Variants in GOLGA3 observed in about 807,000 individuals in gnomAD.
GOLGA3 encodes the protein golgin A3, also known as golgin subfamily A member 3.
A neutral mutation model predicts 169.4 loss-of-function variants in GOLGA3; 75 were observed. The ratio of observed to expected loss-of-function variants is 0.44; its 90% confidence interval spans 0.37 to 0.54. GOLGA3 has a LOEUF of 0.54. GOLGA3 is among the 20% of genes least tolerant of loss of function. The probability of loss-of-function intolerance (pLI) is 0.00; values close to 1 mark genes in which losing one functional copy is unlikely to be tolerated. For synonymous variants in GOLGA3, 824 were observed against 822.4 expected (o/e 1.00, Z -0.03); for missense variants, 1,899 against 1,930.0 (o/e 0.98, Z 0.30).
chr12:132,777,016 T>G lies in GOLGA3; in HGVS notation c.3797A>C (p.Gln1266Pro), dbSNP rs2136265897. The part of the protein sequence containing the change: ...AELAEARAQL[Q>P]LLQKQLDEQL... ...CTCGTCCAGCTGCTTCTGCAGGAGCTGGAGCTGTGCCCGGGCCTCGGCCAG... is the reference window on the plus strand; with the variant it reads ...CTCGTCCAGCTGCTTCTGCAGGAGCGGGAGCTGTGCCCGGGCCTCGGCCAG... The change falls in exon 20 of 24, where the codon CAG (glutamine) becomes CCG (proline). Residue 1266 changes from glutamine to proline, a missense_variant. Gln to Pro is a moderately conservative substitution (Grantham distance 76, BLOSUM62 -1). Coordinates refer to ENST00000450791, the MANE Select transcript of GOLGA3 (RefSeq NM_001389683.1). This position sits in a 1 kb window ranked among gnomAD's most constrained non-coding sequence, Gnocchi z 4.7. 1 of 1,611,830 alleles carries G rather than the reference T, an allele frequency of 6.2e-7. No homozygotes were observed. Among genetic ancestry groups the G allele is most frequent in the East Asian group, 2.2e-5 (1 of 44,868 alleles).
chr12:132,821,112 AAAAAAAAAAAAT>A (rs1950190032), intron 2 of GOLGA3, among the ~76,000 whole-genome samples: 1 of 150,406 alleles, frequency 6.6e-6, no homozygotes, highest in Admixed American at 6.7e-5. Flanking sequence ...AAAAAAAAAA[AAAAAAAAAAAAT>A]GGCTGGGCGC....
rs978086346 is a variant in GOLGA3, at chr12:132,801,701, A to G, written c.1800+66T>C. ...ACTCTAAAAACAGAAAAATCTCAGG[A>G]AAAAGCACCGTTCTACATGAAGACA... On this transcript the variant is annotated intron_variant, in intron 8 of 23. Coordinates refer to ENST00000450791, the MANE Select transcript of GOLGA3 (RefSeq NM_001389683.1). The G allele has an allele frequency of 9.6e-5, 140 of 1,456,362 alleles. 1 individual carries two copies. Among genetic ancestry groups the G allele is most frequent in the Non-Finnish European group, 1.4e-5 (15 of 1,053,968 alleles). 90.2% of individuals were successfully genotyped at this position (1,456,362 alleles called of 1,614,324 possible).
chr12:132,818,440 T>TAA (rs1950082853), intron 2 of GOLGA3, among the ~76,000 whole-genome samples: 1 of 152,178 alleles, frequency 6.6e-6, no homozygotes, highest in South Asian at 2.1e-4. Flanking sequence ...TTGGTCTTTT[T>TAA]AGTAGAGATG....
intron 16 of GOLGA3, 184 bp downstream of exon 16, chr12:132,783,980 G>C: frequency 2.7e-6 from 4 of 1,486,070 alleles, no homozygotes; most frequent in Non-Finnish European, 3.6e-6. Context: ...CCTCCCCAGA[G>C]GGCTGGAATC....
In GOLGA3 at chr12:132,811,208, C is replaced by A. The variant is rs4758943; in HGVS notation, c.519+2099G>T. On this transcript the variant is annotated intron_variant, in intron 4 of 23. Coordinates refer to ENST00000450791, the MANE Select transcript of GOLGA3 (RefSeq NM_001389683.1). ...CACGTCTTGGTGGTAGTGGTCCCCC[C>A]GGCCCAGCTGTCTTTTATCTCTTTG... is the stretch of plus-strand genomic sequence containing the variant. Among the ~76,000 whole-genome samples, 840 of 152,178 alleles carry A rather than the reference C, an allele frequency of 5.5e-3. 4 individuals are homozygous for A. The highest frequency in any genetic ancestry group is 0.019 in the African/African-American group (779 of 41,480).
At chr12:132,779,550 G>A (rs933374260) in intron 18 of GOLGA3, among the ~76,000 whole-genome samples, 8 of 152,196 alleles carry the variant, frequency 5.3e-5, no homozygotes, top group African/African-American at 1.4e-4. Flanking sequence ...CTGTTAGGCC[G>A]AAAAGTTTGA....
chr12:132,808,045 G>A lies in GOLGA3; in HGVS notation c.1024C>T (p.Pro342Ser). The change falls in exon 5 of 24, where the codon CCC (proline) becomes TCC (serine). Residue 342 changes from proline to serine, a missense_variant. Pro to Ser is a moderately conservative substitution (Grantham distance 74). Coordinates refer to ENST00000450791, the MANE Select transcript of GOLGA3 (RefSeq NM_001389683.1). ...LSKTVGTQDT[P>S]YMVNGQEIPA... ...ATCTCCTGGCCGTTGACCATATAGG[G>A]GGTGTCCTGCGTGCCCACTGTCTTC... 1.2e-6 allele frequency: 2 copies of A among 1,604,698 alleles called. No homozygotes were observed. Among genetic ancestry groups the A allele is most frequent in the Non-Finnish European group, 1.7e-6 (2 of 1,174,524 alleles).
chr12:132,776,088 G>A (rs935024473), intron 21 of GOLGA3, among the ~76,000 whole-genome samples: 3 of 152,224 alleles, frequency 2.0e-5, no homozygotes, highest in Non-Finnish European at 4.4e-5. Context: ...GCCGCAGGCC[G>A]CATGGCACAG....
Position 132,781,705 on chromosome 12 carries a change from C to T in GOLGA3, c.3465+591G>A, listed in dbSNP as rs182147806. ...GATGGGATAGTCAACACCAGCAGCT[C>T]GATTTGGCCCCCAGGATTTCCCTGA... On this transcript the variant is annotated intron_variant, in intron 17 of 23. Transcript: ENST00000450791. 2.1e-3 allele frequency among the ~76,000 whole-genome samples: 313 copies of T among 152,298 alleles called. 5 individuals are homozygous for T. Among genetic ancestry groups the T allele is most frequent in the Non-Finnish European group, 7.1e-4 (48 of 68,034 alleles).
chr12:132,811,039 G>T (rs1162543230), intron 4 of GOLGA3, among the ~76,000 whole-genome samples: 1 of 152,224 alleles, frequency 6.6e-6, no homozygotes, highest in Non-Finnish European at 1.5e-5. Flanking sequence ...CTGCCAGGCA[G>T]GGGAGGGCCC....
intron 3 of GOLGA3, among the ~76,000 whole-genome samples, chr12:132,814,595 G>C (rs1000675509): frequency 1.3e-5 from 2 of 152,198 alleles, no homozygotes; most frequent in Non-Finnish European, 2.9e-5. Context: ...GCTCATCTCA[G>C]CTCCTGCAGT....
intron 1 of GOLGA3, chr12:132,828,516 G>A (rs868073013): frequency 1.6e-4 from 24 of 152,318 alleles, no homozygotes; most frequent in African/African-American, 5.3e-4. Context: ...GGTGGCAGTG[G>A]ACAGCTTCGG....
intron 23 of GOLGA3, 134 bp downstream of exon 23, chr12:132,774,023 G>GCCC (rs2136238772): frequency 1.4e-6 from 1 of 737,708 alleles, no homozygotes; most frequent in East Asian, 2.8e-5. Context: ...GGCTATGTAT[G>GCCC]CGAGTCCCCC....
At position 132,788,598 on chromosome 12, in the gene GOLGA3, A is replaced by G. The variant is rs564259777; in HGVS notation, c.2811+429T>C. Among the ~76,000 whole-genome samples the G allele has an allele frequency of 3.3e-5, 5 of 152,252 alleles. No individual in the cohort carries two copies. In the East Asian group the frequency reaches 9.7e-4, roughly 29 times the overall value. On this transcript the variant is annotated intron_variant, in intron 13 of 23. Coordinates refer to ENST00000450791, the MANE Select transcript of GOLGA3 (RefSeq NM_001389683.1). ...GTCAGTCCCAGCTCCGCACTCAGCC[A>G]CGAGGGACTCCCAGGGTCCCCGGGC...
chr12:132,813,510 A>C lies in GOLGA3; in HGVS notation c.407-91T>G. 4.5e-6 allele frequency: 3 copies of C among 662,584 alleles called. 1 individual carries two copies. Among genetic ancestry groups the C allele is most frequent in the Non-Finnish European group, 8.0e-6 (3 of 374,828 alleles). The allele number at this position is 662,584 out of a possible 1,614,324, so 41.0% of individuals were successfully genotyped here. Reference sequence around the variant, plus strand: ...GAACTTGGTCATTTTGTACTTAATTACCCATATACTTTACACCTAAACAAT... The same window carrying C: ...GAACTTGGTCATTTTGTACTTAATTCCCCATATACTTTACACCTAAACAAT... On this transcript the variant is annotated intron_variant, in intron 3 of 23. Coordinates refer to ENST00000450791, the MANE Select transcript of GOLGA3 (RefSeq NM_001389683.1).
At position 132,777,421 on chromosome 12, in the gene GOLGA3, C is replaced by T. The variant is rs944006803; in HGVS notation, c.3722+245G>A. 2.6e-5 allele frequency among the ~76,000 whole-genome samples: 4 copies of T among 152,170 alleles called. No individual in the cohort carries two copies. Among genetic ancestry groups the T allele is most frequent in the Non-Finnish European group, 5.9e-5 (4 of 68,034 alleles). On this transcript the variant is annotated intron_variant, in intron 19 of 23. Transcript: ENST00000450791. The surrounding 1 kb of genome is among the most constrained non-coding windows in gnomAD (Gnocchi z 4.7). ...AGCCCCGCGCCGGGCCGCCCCTTCC[C>T]GCCTCTGACCTGAAGCTAAGTACTC... is the stretch of plus-strand genomic sequence containing the variant.
rs190685447 is a variant in GOLGA3 at position 132,773,348 on chromosome 12, C to G, written c.4308-54G>C. 436 of 1,168,538 alleles carry G rather than the reference C, an allele frequency of 3.7e-4. 1 individual carries two copies. The African/African-American group carries it at 6.4e-3, about 17-fold the overall frequency. 72.4% of individuals were successfully genotyped at this position (1,168,538 alleles called of 1,614,324 possible). On this transcript the variant is annotated intron_variant, in intron 23 of 23. Transcript: ENST00000450791. ...CAGATCACACAAGTGCCAGGCAGAA[C>G]GCGCCACCTGTGGACAGCGTCACTC...
rs2045295589 is a variant in GOLGA3, at chr12:132,777,200, G to A, written c.3723-110C>T. On this transcript the variant is annotated intron_variant, in intron 19 of 23. Transcript: ENST00000450791. The surrounding 1 kb of genome is among the most constrained non-coding windows in gnomAD (Gnocchi z 4.7). ...AGGCGTTCGTCCTGGCAGGCCCTCT[G>A]CTGTGCACTGCGTGCTGCAGCCATG... 1.7e-6 allele frequency: 2 copies of A among 1,172,742 alleles called. No individual in the cohort carries two copies. Among genetic ancestry groups the A allele is most frequent in the Admixed American group, 2.5e-5 (1 of 40,410 alleles). 72.6% of individuals were successfully genotyped at this position (1,172,742 alleles called of 1,614,324 possible).
At chr12:132,797,880 A>G in intron 9 of GOLGA3, among the ~76,000 whole-genome samples, 1 of 152,254 alleles carries the variant, frequency 6.6e-6, no homozygotes, top group East Asian at 1.9e-4. Flanking sequence ...ATGGCAATGC[A>G]GTCTGAGTGC....
Sources: allele counts gnomAD v4.1 joint callset (sites outside exome capture counted in the v4.1 genomes callset), GRCh38; gene constraint gnomAD v4.1.1; non-coding constraint Gnocchi (gnomAD v3.1); transcripts MANE v1.5; gene names NCBI Gene and HGNC (gene_info 2026-07-23, HGNC 2026-07-21).